The following PCSK2 variants were observed in gnomAD, a reference collection of about 807,000 sequenced individuals.
PCSK2 encodes proprotein convertase subtilisin/kexin type 2, also known as neuroendocrine convertase 2.
A neutral mutation model predicts 69.7 loss-of-function variants in PCSK2; 14 were observed. The observed-to-expected ratio is 0.20, with a 90% confidence interval of 0.13 to 0.31. The LOEUF is 0.31. Ranked by LOEUF, PCSK2 falls within the 10% of genes least tolerant of loss-of-function variation. The pLI is 1.00. For synonymous variants in PCSK2, 307 were observed against 320.7 expected (o/e 0.96, Z 0.46); for missense variants, 544 against 842.5 (o/e 0.65, Z 4.39).
At chr20:17,418,858 G>A (rs2032059898) in intron 6 of PCSK2, among the ~76,000 whole-genome samples, 1 of 152,156 alleles carries the variant, frequency 6.6e-6, no homozygotes, top group Admixed American at 6.5e-5. Context: ...TCCAGTATAG[G>A]GCTGACATGC....
chr20:17,449,545 T>TATATATATATATATG (rs1394693452), intron 8 of PCSK2, among the ~76,000 whole-genome samples: 1 of 149,770 alleles, frequency 6.7e-6, no homozygotes, highest in African/African-American at 2.5e-5. Context: ...TATATGTATA[T>TATATATATATATATG]TTGAGACTGA....
intron 2 of PCSK2, among the ~76,000 whole-genome samples, chr20:17,300,834 G>A (rs929203375): frequency 1.3e-5 from 2 of 152,130 alleles, no homozygotes; most frequent in Admixed American, 1.3e-4. Context: ...GCCTTCAGGC[G>A]AAGTCCTCAC....
chr20:17,275,917 T>C (rs75063816), intron 2 of PCSK2, among the ~76,000 whole-genome samples: 1,947 of 152,290 alleles, frequency 0.013, 39 homozygotes, highest in African/African-American at 0.044. Flanking sequence ...AAGTTTACGT[T>C]GTTATTTAAC....
chr20:17,229,173 C>A (rs1168887585), intron 1 of PCSK2, among the ~76,000 whole-genome samples: 3 of 151,784 alleles, frequency 2.0e-5, no homozygotes, highest in Non-Finnish European at 2.9e-5. Flanking sequence ...TCTGAGGAGG[C>A]TACTATCATT....
intron 5 of PCSK2, among the ~76,000 whole-genome samples, chr20:17,400,656 C>G (rs1299819771): frequency 2.0e-5 from 3 of 152,146 alleles, no homozygotes; most frequent in Non-Finnish European, 4.4e-5. Flanking sequence ...CTAGACCCCA[C>G]GCCTCTCCCC....
At chr20:17,368,100 A>G (rs1248848244) in intron 4 of PCSK2, among the ~76,000 whole-genome samples, 1 of 152,198 alleles carries the variant, frequency 6.6e-6, no homozygotes, top group African/African-American at 2.4e-5. Flanking sequence ...CTTTTCAGAA[A>G]TATGCATCCT....
intron 1 of PCSK2, among the ~76,000 whole-genome samples, chr20:17,230,661 G>A (rs773905385): frequency 2.3e-4 from 35 of 151,994 alleles, no homozygotes; most frequent in African/African-American, 7.5e-4. Context: ...TAATGGGTAC[G>A]TGTATTTATG....
At chr20:17,434,292 C>T (rs36146321) in intron 7 of PCSK2, among the ~76,000 whole-genome samples, 17,030 of 151,996 alleles carry the variant, frequency 0.11, 989 homozygotes, top group Non-Finnish European at 0.13. Flanking sequence ...ACCCCACATT[C>T]CCCTGTAGCT....
At chr20:17,239,447 C>CAA (rs869283067) in intron 1 of PCSK2, among the ~76,000 whole-genome samples, 1 of 139,898 alleles carries the variant, frequency 7.1e-6, no homozygotes. Context: ...AGTAGCAGCA[C>CAA]TTTAGGCAGA....
At chr20:17,242,551 T>G (rs1242910579) in intron 1 of PCSK2, among the ~76,000 whole-genome samples, 3 of 152,250 alleles carry the variant, frequency 2.0e-5, no homozygotes. Context: ...ATTTTGCTAT[T>G]GCAAATGTCT....
At chr20:17,250,486 G>A (rs1030015111) in intron 1 of PCSK2, among the ~76,000 whole-genome samples, 1 of 152,124 alleles carries the variant, frequency 6.6e-6, no homozygotes, top group African/African-American at 2.4e-5. Context: ...GTCTCTGCCA[G>A]GTTTCTCCAC....
At chr20:17,400,127 G>A (rs1200662787) in intron 5 of PCSK2, among the ~76,000 whole-genome samples, 1 of 152,164 alleles carries the variant, frequency 6.6e-6, no homozygotes, top group Non-Finnish European at 1.5e-5. Flanking sequence ...AGTGAAGTAT[G>A]GCCCTCTGTG....
At chr20:17,297,780 CTTA>C (rs1988946351) in intron 2 of PCSK2, among the ~76,000 whole-genome samples, 1 of 152,202 alleles carries the variant, frequency 6.6e-6, no homozygotes, top group Non-Finnish European at 1.5e-5. Flanking sequence ...CCTTTACTGT[CTTA>C]TTATTACATC....
intron 8 of PCSK2, among the ~76,000 whole-genome samples, chr20:17,437,806 C>T (rs747059607): frequency 5.9e-5 from 9 of 152,220 alleles, no homozygotes; most frequent in Non-Finnish European, 1.3e-4. Flanking sequence ...ATGGCTCATC[C>T]GTCCTCCATG....
At chr20:17,267,729 T>A (rs1340933) in intron 2 of PCSK2, among the ~76,000 whole-genome samples, 1 of 151,954 alleles carries the variant, frequency 6.6e-6, no homozygotes, top group African/African-American at 2.4e-5. Flanking sequence ...AAAGGAAAAG[T>A]GGGAACTCTC....
At chr20:17,246,129 G>T (rs552758406) in intron 1 of PCSK2, among the ~76,000 whole-genome samples, 2 of 152,262 alleles carry the variant, frequency 1.3e-5, no homozygotes, top group Non-Finnish European at 2.9e-5. Context: ...CATAGAGCTT[G>T]CAATCCAGGC....
chr20:17,452,958 A>G (rs923420329), intron 8 of PCSK2, among the ~76,000 whole-genome samples: 2 of 152,250 alleles, frequency 1.3e-5, no homozygotes, highest in South Asian at 4.1e-4. Context: ...GCATGTGGCA[A>G]TAACTACTGT....
At chr20:17,431,839 G>C (rs2032373985) in intron 7 of PCSK2, among the ~76,000 whole-genome samples, 1 of 152,228 alleles carries the variant, frequency 6.6e-6, no homozygotes, top group Non-Finnish European at 1.5e-5. Context: ...AATTCCAAAA[G>C]TTGGCTGGTT....
chr20:17,293,379 G>T (rs1359370378), intron 2 of PCSK2, among the ~76,000 whole-genome samples: 1 of 152,202 alleles, frequency 6.6e-6, no homozygotes. Context: ...AATAATAGCT[G>T]TCAGTGTGGA....
Sources: gnomAD v4.1 joint callset for allele counts (sites outside exome capture counted in the v4.1 genomes callset) on GRCh38, gnomAD v4.1.1 for gene constraint, MANE v1.5 for transcripts, NCBI Gene and HGNC (gene_info 2026-07-23, HGNC 2026-07-21) for gene names.